Variants in MITF observed in about 807,000 individuals in gnomAD.
MITF encodes microphthalmia-associated transcription factor.
MITF carries 17 observed loss-of-function variants against 60.5 expected under a neutral mutation model. The ratio of observed to expected loss-of-function variants is 0.28; its 90% CI spans 0.19 to 0.42. MITF has a LOEUF of 0.42. Ranked by LOEUF, MITF falls within the 10% of genes least tolerant of loss-of-function variation. The pLI is 1.00. For missense variants in MITF, 622 were observed against 683.5 expected (o/e 0.91, Z 1.00); for synonymous variants, 260 against 248.5 (o/e 1.05, Z -0.43).
chr3:69,871,663 G>A (rs1397555681), intron 1 of MITF, among the ~76,000 whole-genome samples: 4 of 152,198 alleles, frequency 2.6e-5, no homozygotes, highest in Non-Finnish European at 5.9e-5. Flanking sequence ...TGCTAGACAT[G>A]CAGTAATTGT....
At chr3:69,926,113 C>G (rs542196937) in intron 2 of MITF, among the ~76,000 whole-genome samples, 4 of 152,290 alleles carry the variant, frequency 2.6e-5, no homozygotes, top group Admixed American at 2.0e-4. Flanking sequence ...ATGCGAAGCT[C>G]TCAGCACAGT....
chr3:69,780,851 G>A (rs1158112662), intron 1 of MITF, among the ~76,000 whole-genome samples: 3 of 152,206 alleles, frequency 2.0e-5, no homozygotes, highest in Admixed American at 1.3e-4. Flanking sequence ...GTTAATGCAA[G>A]TTGCTCCAGA....
chr3:69,879,446 T>C, intron 2 of MITF, 63 bp downstream of exon 2: 5 of 1,609,464 alleles, frequency 3.1e-6, no homozygotes, highest in Non-Finnish European at 3.4e-6. Flanking sequence ...TTGCTAGGTG[T>C]TTTGTTTATC....
intron 1 of MITF, among the ~76,000 whole-genome samples, chr3:69,842,704 T>C (rs2063661272): frequency 6.6e-6 from 1 of 152,096 alleles, no homozygotes; most frequent in Non-Finnish European, 1.5e-5. Flanking sequence ...AGTTGTTTAC[T>C]GTGTAACAAA....
intron 2 of MITF, among the ~76,000 whole-genome samples, chr3:69,891,917 G>A (rs2064768620): frequency 6.6e-6 from 1 of 152,280 alleles, no homozygotes; most frequent in South Asian, 2.1e-4. Flanking sequence ...ATAAAAATAG[G>A]TTAATTCTGT....
intron 1 of MITF, among the ~76,000 whole-genome samples, chr3:69,832,577 T>C (rs1187734061): frequency 2.0e-5 from 3 of 152,252 alleles, no homozygotes; most frequent in Non-Finnish European, 4.4e-5. Flanking sequence ...ATCACCTTCG[T>C]AGCTTGCTGT....
At chr3:69,743,850 A>G (rs1224174396) in intron 1 of MITF, among the ~76,000 whole-genome samples, 1 of 152,218 alleles carries the variant, frequency 6.6e-6, no homozygotes, top group Non-Finnish European at 1.5e-5. Flanking sequence ...ACCCAAAAAC[A>G]TTTTAAACCG....
intron 2 of MITF, among the ~76,000 whole-genome samples, chr3:69,929,295 G>A (rs1305224764): frequency 1.3e-5 from 2 of 152,204 alleles, no homozygotes; most frequent in Admixed American, 6.5e-5. Context: ...AGAGGAGGGA[G>A]AATCAGGAGC....
intron 1 of MITF, among the ~76,000 whole-genome samples, chr3:69,864,878 C>G (rs1032179744): frequency 6.6e-6 from 1 of 152,198 alleles, no homozygotes; most frequent in Admixed American, 6.5e-5. Flanking sequence ...CTCTCCCCAA[C>G]TCAGATCTCA....
At chr3:69,834,214 C>T (rs992434668) in intron 1 of MITF, among the ~76,000 whole-genome samples, 1 of 152,168 alleles carries the variant, frequency 6.6e-6, no homozygotes, top group Non-Finnish European at 1.5e-5. Flanking sequence ...CAATACCTTA[C>T]TTTTAACTAC....
At position 69,879,240 on chromosome 3, in the gene MITF, C is replaced by G. The variant is rs377677808; in HGVS notation, c.211C>G (p.Gln71Glu). ...ACTCATGCGTGAGCAGATGCAGGAG[C>G]AGGAGCGCAGGGAGCAGCAGCAGAA... ...QQLMREQMQE[Q>E]ERREQQQKLQ... is the part of the protein sequence containing the mutation. Residue 71 changes from glutamine (Q) to glutamate (E), a missense_variant, in exon 2 of 10, where the codon CAG becomes GAG. This residue lies in a region of MITF where 149 missense variants were observed against 157.8 expected (regional missense o/e 0.94). Transcript: ENST00000352241. The G allele has an allele frequency of 1.2e-5, 19 of 1,614,106 alleles. No individual in the cohort carries two copies. Among genetic ancestry groups the G allele is most frequent in the Non-Finnish European group, 1.4e-5 (17 of 1,180,056 alleles).
intron 1 of MITF, among the ~76,000 whole-genome samples, chr3:69,862,483 A>G (rs1210178568): frequency 6.6e-6 from 1 of 152,242 alleles, no homozygotes; most frequent in African/African-American, 2.4e-5. Context: ...AAGAAAGAAT[A>G]TAAGAAAATA....
In MITF at chr3:69,949,093, G is replaced by A. The variant is rs912284281; in HGVS notation, c.805G>A (p.Gly269Ser). Residue 269 changes from glycine (G) to serine (S), a missense_variant, in exon 6 of 10, where the codon GGT (glycine) becomes AGT (serine). Physicochemically the swap from Gly to Ser is moderately conservative, Grantham distance 56 (BLOSUM62 0). This residue lies in a region of MITF where 215 missense variants were observed against 224.8 expected (regional missense o/e 0.96). Transcript: ENST00000352241. Reference protein sequence around the residue: ...GNLIDLYGNQGLPPPGLTISN... With the variant: ...GNLIDLYGNQSLPPPGLTISN... ...CTTGATTGATCTTTATGGAAACCAA[G>A]GTCTGCCCCCACCAGGCCTCACCAT... is the stretch of plus-strand genomic sequence containing the variant. 7 of 1,613,508 alleles carry A rather than the reference G, an allele frequency of 4.3e-6. No homozygotes were observed. In the African/African-American group the frequency reaches 5.3e-5, roughly 12 times the overall value.
At chr3:69,957,306 G>C (rs1256701918) in intron 8 of MITF, among the ~76,000 whole-genome samples, 1 of 152,194 alleles carries the variant, frequency 6.6e-6, no homozygotes, top group East Asian at 1.9e-4. Flanking sequence ...GGCATTCTGT[G>C]AAATTAGCCT....
chr3:69,788,055 G>T (rs1253237608), intron 1 of MITF, among the ~76,000 whole-genome samples: 2 of 151,986 alleles, frequency 1.3e-5, no homozygotes, highest in African/African-American at 4.8e-5. Context: ...TGCATAGACA[G>T]GCAGTGGTGG....
intron 1 of MITF, among the ~76,000 whole-genome samples, chr3:69,844,990 T>C (rs1226040025): frequency 6.6e-6 from 1 of 152,206 alleles, no homozygotes. Flanking sequence ...TTTACCTGCC[T>C]GGGCCCTGTA....
At chr3:69,819,260 C>G (rs1385808841) in intron 1 of MITF, among the ~76,000 whole-genome samples, 1 of 152,172 alleles carries the variant, frequency 6.6e-6, no homozygotes, top group Non-Finnish European at 1.5e-5. Flanking sequence ...TTCAGCTTTG[C>G]TTTTTTGCCC....
chr3:69,750,342 G>C (rs1703884203), intron 1 of MITF, among the ~76,000 whole-genome samples: 2 of 147,794 alleles, frequency 1.4e-5, no homozygotes, highest in Non-Finnish European at 3.0e-5. Context: ...CAGTAATATA[G>C]ATCTGATAAC....
intron 1 of MITF, among the ~76,000 whole-genome samples, chr3:69,798,402 T>G (rs7635653): frequency 0.5 from 76,601 of 152,056 alleles, 20,894 homozygotes; most frequent in Non-Finnish European, 0.63. Flanking sequence ...CAAAATGGGG[T>G]TCATACTATT....
Sources: gnomAD v4.1 joint callset for allele counts (sites outside exome capture counted in the v4.1 genomes callset) on GRCh38, gnomAD v4.1.1 for gene constraint, gnomAD v4.1.1 regional missense constraint, MANE v1.5 for transcripts, NCBI Gene and HGNC (gene_info 2026-07-23, HGNC 2026-07-21) for gene names.